MACROD2: variants seen among roughly 807,000 people sequenced by gnomAD.
MACROD2 encodes ADP-ribose glycohydrolase MACROD2.
Under a neutral mutation model 70.4 loss-of-function variants are expected in MACROD2, and 36 were observed. That is an observed-to-expected ratio of 0.51 (90% CI 0.39 to 0.68). MACROD2 has a LOEUF of 0.68. Ranked by LOEUF, MACROD2 falls within the 30% of genes least tolerant of loss-of-function variation. The pLI, the probability that MACROD2 is intolerant of heterozygous loss-of-function variation, is 0.00. For synonymous variants in MACROD2, 172 were observed against 178.8 expected (o/e 0.96, Z 0.30); for missense variants, 496 against 538.4 (o/e 0.92, Z 0.78).
intron 5 of MACROD2, among the ~76,000 whole-genome samples, chr20:14,983,469 T>C (rs946659930): frequency 1.6e-4 from 24 of 152,052 alleles, no homozygotes. Flanking sequence ...TTCCATATGT[T>C]GTGGGAGGGA....
At chr20:15,523,479 T>G (rs931706616) in intron 8 of MACROD2, among the ~76,000 whole-genome samples, 9 of 152,168 alleles carry the variant, frequency 5.9e-5, no homozygotes, top group African/African-American at 1.9e-4. Flanking sequence ...GGCTGATGTC[T>G]TCTTTTGTGC....
chr20:14,319,251 C>T (rs756700719), intron 3 of MACROD2, among the ~76,000 whole-genome samples: 1 of 152,156 alleles, frequency 6.6e-6, no homozygotes, highest in Non-Finnish European at 1.5e-5. Flanking sequence ...ACTTTGTTCT[C>T]CTAGCTAGTG....
chr20:14,230,686 T>TAAAAACACAGGCTGGGCCC (rs2081800804), intron 3 of MACROD2, among the ~76,000 whole-genome samples: 1 of 120,942 alleles, frequency 8.3e-6, no homozygotes, highest in African/African-American at 3.4e-5. Context: ...TATATATATA[T>TAAAAACACAGGCTGGGCCC]ATATATATAT....
At chr20:14,491,600 C>T (rs1221934747) in intron 3 of MACROD2, among the ~76,000 whole-genome samples, 1 of 152,150 alleles carries the variant, frequency 6.6e-6, no homozygotes, top group Admixed American at 6.5e-5. Flanking sequence ...ATTCTTACAC[C>T]TACCCATCCA....
At chr20:15,407,881 A>G (rs1026524191) in intron 6 of MACROD2, among the ~76,000 whole-genome samples, 5 of 152,198 alleles carry the variant, frequency 3.3e-5, no homozygotes, top group African/African-American at 1.2e-4. Context: ...TTCATTTTCC[A>G]TGTGAGGCAA....
intron 4 of MACROD2, among the ~76,000 whole-genome samples, chr20:14,504,106 A>G (rs925303990): frequency 4.6e-5 from 7 of 152,206 alleles, no homozygotes; most frequent in African/African-American, 9.6e-5. Flanking sequence ...TCACAATGAC[A>G]TGGACTGTTT....
chr20:14,803,215 A>G (rs2072599625), intron 5 of MACROD2, among the ~76,000 whole-genome samples: 1 of 152,116 alleles, frequency 6.6e-6, no homozygotes, highest in Non-Finnish European at 1.5e-5. Flanking sequence ...AGTGGAGACC[A>G]TGATTTGAAG....
chr20:15,231,896 T>G (rs1356387147), intron 6 of MACROD2, among the ~76,000 whole-genome samples: 13 of 152,008 alleles, frequency 8.6e-5, no homozygotes, highest in Non-Finnish European at 1.5e-5. Flanking sequence ...CTGAACTGAA[T>G]TCATCCCAAT....
At chr20:14,038,433 A>G (rs1322389269) in intron 2 of MACROD2, among the ~76,000 whole-genome samples, 1 of 152,250 alleles carries the variant, frequency 6.6e-6, no homozygotes, top group East Asian at 1.9e-4. Flanking sequence ...CTTTTTACAA[A>G]TCAGGAAACT....
intron 3 of MACROD2, among the ~76,000 whole-genome samples, chr20:14,208,996 G>T (rs1177580500): frequency 2.0e-5 from 3 of 152,198 alleles, no homozygotes; most frequent in Non-Finnish European, 2.9e-5. Flanking sequence ...TTAAACTCAG[G>T]CTGAGGATGT....
chr20:15,059,344 C>T (rs1427293921), intron 5 of MACROD2, among the ~76,000 whole-genome samples: 2 of 151,800 alleles, frequency 1.3e-5, no homozygotes, highest in Admixed American at 6.6e-5. Flanking sequence ...GAGATCACAC[C>T]ACTGCACTCC....
Position 14,560,795 on chromosome 20 carries a change from G to A in MACROD2, c.301+67287G>A, listed in dbSNP as rs533454873. 7.6e-4 allele frequency among the ~76,000 whole-genome samples: 115 copies of A among 151,810 alleles called. No homozygotes were observed. In the Middle Eastern group the frequency reaches 0.014, roughly 18 times the overall value. ...CACTTATTTTAGCACTAATTTCACA[G>A]AGTCATTTATTTCCAAGGTTTATAT... On this transcript the variant is annotated intron_variant, in intron 4 of 17. Coordinates refer to ENST00000684519, the MANE Select transcript of MACROD2 (RefSeq NM_001351661.2).
At chr20:14,574,279 G>A (rs937695998) in intron 4 of MACROD2, among the ~76,000 whole-genome samples, 2 of 152,040 alleles carry the variant, frequency 1.3e-5, no homozygotes, top group African/African-American at 4.8e-5. Context: ...TTTTTCCATC[G>A]TCTTGAATTG....
At chr20:14,512,470 G>T (rs2085041890) in intron 4 of MACROD2, among the ~76,000 whole-genome samples, 1 of 152,100 alleles carries the variant, frequency 6.6e-6, no homozygotes, top group South Asian at 2.1e-4. Flanking sequence ...ATAAATACGG[G>T]TTAGAGAAAA....
intron 10 of MACROD2, among the ~76,000 whole-genome samples, chr20:15,906,822 G>A (rs2065154510): frequency 6.6e-6 from 1 of 152,296 alleles, no homozygotes; most frequent in Non-Finnish European, 1.5e-5. Flanking sequence ...TATCACAGAA[G>A]TGATACTGTG....
intron 8 of MACROD2, among the ~76,000 whole-genome samples, chr20:15,683,230 ATCT>A (rs2050184298): frequency 6.6e-6 from 1 of 152,198 alleles, no homozygotes; most frequent in Non-Finnish European, 1.5e-5. Context: ...ATGGTAGTTA[ATCT>A]TCTCGTGGCA....
At chr20:14,040,749 C>T (rs1386932001) in intron 2 of MACROD2, among the ~76,000 whole-genome samples, 1 of 152,166 alleles carries the variant, frequency 6.6e-6, no homozygotes, top group Non-Finnish European at 1.5e-5. Flanking sequence ...ATGACAGCTA[C>T]AGCATCATTA....
intron 3 of MACROD2, among the ~76,000 whole-genome samples, chr20:14,158,310 C>T (rs2055133658): frequency 6.6e-6 from 1 of 151,938 alleles, no homozygotes; most frequent in Non-Finnish European, 1.5e-5. Context: ...TGTTTGAGTT[C>T]CTTGTGTATT....
intron 8 of MACROD2, among the ~76,000 whole-genome samples, chr20:15,624,934 A>AT (rs1477879126): frequency 1.3e-5 from 2 of 152,128 alleles, no homozygotes; most frequent in Non-Finnish European, 2.9e-5. Context: ...GATATAAGTA[A>AT]TTTTTAATAT....
Sources: allele counts gnomAD v4.1 joint callset (sites outside exome capture counted in the v4.1 genomes callset), GRCh38; gene constraint gnomAD v4.1.1; transcripts MANE v1.5; gene names NCBI Gene and HGNC (gene_info 2026-07-23, HGNC 2026-07-21).